The following PTPRJ variants were observed in gnomAD, a reference collection of about 807,000 sequenced individuals.
PTPRJ encodes protein tyrosine phosphatase receptor type J, also known as receptor-type tyrosine-protein phosphatase eta.
Under a neutral mutation model 141.3 loss-of-function variants are expected in PTPRJ, and 129 were observed. The ratio of observed to expected loss-of-function variants is 0.91; its 90% CI spans 0.79 to 1.06. PTPRJ has a LOEUF of 1.06. Among genes scored for constraint, PTPRJ ranks in the 50% least tolerant of loss-of-function variants. The pLI is 0.00. For synonymous variants in PTPRJ, 610 were observed against 640.5 expected, an observed-to-expected ratio of 0.95 and a Z score of 0.72; for missense variants, 1,601 against 1,679.7, an observed-to-expected ratio of 0.95 and a Z score of 0.82.
At chr11:48,157,366 A>G (rs1409817768) in intron 21 of PTPRJ, among the ~76,000 whole-genome samples, 2 of 152,224 alleles carry the variant, frequency 1.3e-5, no homozygotes, top group East Asian at 3.8e-4. Flanking sequence ...AATCTAAAAA[A>G]ATGCTGTGCC....
intron 21 of PTPRJ, among the ~76,000 whole-genome samples, chr11:48,156,705 G>A (rs900849653): frequency 1.3e-5 from 2 of 151,156 alleles, no homozygotes; most frequent in Non-Finnish European, 2.9e-5. Context: ...TCCCACTTCA[G>A]CCTCCTGTGT....
Position 48,038,685 on chromosome 11 carries a change from T to A in PTPRJ, c.96+57677T>A, listed in dbSNP as rs185467910. The stretch of plus-strand genomic sequence containing the variant: ...TTTTGTATTTTTAGTAGAGACGGGG[T>A]TTCACCATATTAGCCAGGCTGTTCT... On this transcript the variant is annotated intron_variant, in intron 1 of 24. Transcript: ENST00000418331. Among the ~76,000 whole-genome samples, 52 of 144,700 alleles carry A rather than the reference T, an allele frequency of 3.6e-4. 1 individual carries two copies. In the East Asian group the frequency reaches 7.5e-3, roughly 21 times the overall value. The allele number at this position is 144,700 out of a possible 152,430, so 94.9% of individuals were successfully genotyped here. A position where few individuals can be genotyped will look rare whatever the true frequency, so the allele number is the denominator to read the frequency against.
intron 1 of PTPRJ, among the ~76,000 whole-genome samples, chr11:48,070,518 A>G (rs1469028185): frequency 2.0e-5 from 3 of 151,782 alleles, no homozygotes; most frequent in Non-Finnish European, 4.4e-5. Flanking sequence ...AAAAAAAAAA[A>G]AGGCACACAG....
At chr11:48,151,782 C>G (rs1315834283) in intron 18 of PTPRJ, among the ~76,000 whole-genome samples, 1 of 151,988 alleles carries the variant, frequency 6.6e-6, no homozygotes, top group Non-Finnish European at 1.5e-5. Flanking sequence ...TGAACTCATC[C>G]TTTTATGGCT....
intron 1 of PTPRJ, among the ~76,000 whole-genome samples, chr11:48,057,997 C>T (rs1258424856): frequency 1.3e-5 from 2 of 151,928 alleles, no homozygotes; most frequent in Non-Finnish European, 2.9e-5. Flanking sequence ...CTGCAGCCTC[C>T]GCCTCCCGGG....
At chr11:48,001,693 T>C (rs992216717) in intron 1 of PTPRJ, among the ~76,000 whole-genome samples, 2 of 152,064 alleles carry the variant, frequency 1.3e-5, no homozygotes, top group Non-Finnish European at 2.9e-5. Flanking sequence ...TTGCTTTCAT[T>C]TTACAGGAGA....
intron 1 of PTPRJ, among the ~76,000 whole-genome samples, chr11:47,988,884 T>C (rs1000336659): frequency 4.7e-4 from 61 of 131,072 alleles, no homozygotes; most frequent in Non-Finnish European, 8.9e-4. Flanking sequence ...ATCTTGTTTT[T>C]TTTTTTTTTT....
At chr11:48,000,383 C>T (rs1313666793) in intron 1 of PTPRJ, among the ~76,000 whole-genome samples, 3 of 151,130 alleles carry the variant, frequency 2.0e-5, no homozygotes, top group Non-Finnish European at 4.4e-5. Context: ...TGGGCTCAAA[C>T]GATCCTCCCG....
intron 1 of PTPRJ, among the ~76,000 whole-genome samples, chr11:47,988,876 C>CTTTTTT (rs1854116991): frequency 1.9e-5 from 2 of 107,806 alleles, no homozygotes; most frequent in African/African-American, 4.4e-5. Context: ...AAAATTGTAT[C>CTTTTTT]TTGTTTTTTT....
At chr11:48,071,484 T>C (rs1283905964) in intron 1 of PTPRJ, among the ~76,000 whole-genome samples, 1 of 149,624 alleles carries the variant, frequency 6.7e-6, no homozygotes. Context: ...GCCCGGCTAA[T>C]TTTTTGTATT....
intron 4 of PTPRJ, 128 bp from the exon 5 acceptor site, chr11:48,123,485 T>C: frequency 1.1e-6 from 1 of 918,090 alleles, no homozygotes; most frequent in Non-Finnish European, 1.6e-6. Flanking sequence ...CATTGGGACA[T>C]CAGTGACCTC....
At position 48,169,730 on chromosome 11, in the gene PTPRJ, G is replaced by A. The variant is rs1858010643; in HGVS notation, c.*2368G>A. Reference sequence around the variant, plus strand: ...AGGTTAAATACTTTAAAAGATTAAAGCAACATAACTGTAAACATATTGTAT... The same window carrying A: ...AGGTTAAATACTTTAAAAGATTAAAACAACATAACTGTAAACATATTGTAT... On this transcript the variant is annotated 3_prime_UTR_variant, in exon 25 of 25. Transcript: ENST00000418331. 6.6e-6 allele frequency: 1 copy of A among 152,162 alleles called. No individual in the cohort carries two copies. The highest frequency in any genetic ancestry group is 2.4e-5 in the African/African-American group (1 of 41,444). 9.4% of individuals were successfully genotyped at this position (152,162 alleles called of 1,614,324 possible). A position where few individuals can be genotyped will look rare whatever the true frequency, so the allele number is the denominator to read the frequency against.
chr11:48,042,960 G>C (rs1854306446), intron 1 of PTPRJ, among the ~76,000 whole-genome samples: 1 of 152,134 alleles, frequency 6.6e-6, no homozygotes, highest in African/African-American at 2.4e-5. Context: ...ACTCAAGTCT[G>C]ATAAAAGGTT....
chr11:48,036,305 C>T (rs948948666), intron 1 of PTPRJ, among the ~76,000 whole-genome samples: 3 of 152,198 alleles, frequency 2.0e-5, no homozygotes, highest in African/African-American at 7.2e-5. Flanking sequence ...GAGGCAGGCC[C>T]TCTCGGGTTG....
At chr11:48,071,861 C>G (rs1855265882) in intron 1 of PTPRJ, among the ~76,000 whole-genome samples, 1 of 149,312 alleles carries the variant, frequency 6.7e-6, no homozygotes, top group Non-Finnish European at 1.5e-5. Context: ...CTCAGCCTCC[C>G]AAAGTGCTGG....
chr11:48,045,844 A>T (rs542927446), intron 1 of PTPRJ, among the ~76,000 whole-genome samples: 31 of 152,236 alleles, frequency 2.0e-4, no homozygotes, highest in African/African-American at 7.5e-4. Context: ...TTGGTTCTAC[A>T]TGTGTTCCCG....
intron 11 of PTPRJ, among the ~76,000 whole-genome samples, chr11:48,142,357 A>AT (rs931731463): frequency 1.6e-4 from 24 of 149,668 alleles, no homozygotes; most frequent in Non-Finnish European, 2.5e-4. Context: ...GAACTTTAGG[A>AT]TTTTTTTTTT....
At chr11:48,133,858 A>T (rs1257952163) in intron 8 of PTPRJ, among the ~76,000 whole-genome samples, 1 of 152,240 alleles carries the variant, frequency 6.6e-6, no homozygotes, top group Non-Finnish European at 1.5e-5. Context: ...ACACAGAAGG[A>T]CAAATACTGG....
rs1319782744 is a variant in PTPRJ at position 48,132,252 on chromosome 11, A to G, written c.1615+1536A>G. 7 of 985,262 alleles carry G rather than the reference A, an allele frequency of 7.1e-6. No individual in the cohort carries two copies. In the East Asian group the frequency reaches 5.7e-4, roughly 80 times the overall value. 61.0% of individuals were successfully genotyped at this position (985,262 alleles called of 1,614,324 possible). A position where few individuals can be genotyped will look rare whatever the true frequency, so the allele number is the denominator to read the frequency against. The stretch of plus-strand genomic sequence containing the variant: ...TAATTGAAATTGATAAAATCATTTT[A>G]TAGTCAGCTACGGTGGCCTGCACCC... On this transcript the variant is annotated intron_variant, in intron 8 of 24. Transcript: ENST00000418331.
Sources: gnomAD v4.1 joint callset for allele counts (sites outside exome capture counted in the v4.1 genomes callset) on GRCh38, gnomAD v4.1.1 for gene constraint, MANE v1.5 for transcripts, NCBI Gene and HGNC (gene_info 2026-07-23, HGNC 2026-07-21) for gene names.